Variants in NBPF26 observed in about 807,000 individuals in gnomAD.
NBPF26 encodes the protein NBPF member 26, also known as NBPF family member NBPF26.
Under a neutral mutation model 119.6 loss-of-function variants are expected in NBPF26, and 79 were observed. The ratio of observed to expected loss-of-function variants is 0.66; its 90% CI spans 0.55 to 0.80. The LOEUF (loss-of-function observed/expected upper bound fraction) is 0.80, where lower values mean the gene tolerates loss of function less well. NBPF26 is among the 30% of genes least tolerant of loss of function. The probability of loss-of-function intolerance (pLI) is 0.00; values close to 1 mark genes in which losing one functional copy is unlikely to be tolerated. For synonymous variants in NBPF26, 299 were observed against 457.7 expected, an observed-to-expected ratio of 0.65 and a Z score of 4.43; for missense variants, 800 against 1,198.2, an observed-to-expected ratio of 0.67 and a Z score of 4.91.
chr1:120,804,628 G>A (rs1204612328), intron 4 of NBPF26, among the ~76,000 whole-genome samples: 3 of 119,078 alleles, frequency 2.5e-5, no homozygotes, highest in Admixed American at 1.6e-4. Flanking sequence ...AGGTCTTGTG[G>A]CACTAGAATG....
chr1:120,811,116 T>C (rs1651852725), intron 9 of NBPF26, among the ~76,000 whole-genome samples: 1 of 102,950 alleles, frequency 9.7e-6, no homozygotes. Context: ...GGTGTGGTGG[T>C]GGGTGCCTGT....
At position 120,802,462 on chromosome 1, in the gene NBPF26, G is replaced by A. The variant is rs1651593438; in HGVS notation, c.752-3094G>A. On this transcript the variant is annotated intron_variant, in intron 4 of 29. Coordinates refer to ENST00000620612, the Ensembl canonical transcript of NBPF26. ...GAAGTAAAGGAGATCTGGCTTGCTG[G>A]ACTCCATTTGAACTTTGAGTACAAC... Among the ~76,000 whole-genome samples the A allele has an allele frequency of 7.1e-5, 9 of 126,434 alleles. 2 individuals are homozygous for A. In the South Asian group the frequency reaches 2.1e-3, roughly 30 times the overall value. The allele number at this position is 126,434 out of a possible 152,430, so 82.9% of individuals were successfully genotyped here. A position where few individuals can be genotyped will look rare whatever the true frequency, so the allele number is the denominator to read the frequency against.
intron 4 of NBPF26, 160 bp downstream of exon 4, chr1:120,793,656 C>T (rs1651521100): frequency 1.6e-6 from 1 of 612,318 alleles, no homozygotes; most frequent in African/African-American, 3.9e-5. Flanking sequence ...TATGGGCCCA[C>T]TGTGGTCCAT....
rs1652200018 is a variant in NBPF26 at position 120,824,044 on chromosome 1, A to G, written c.2710A>G (p.Thr904Ala). ...GGACTCACTGGATAGATGTTATTCA[A>G]CTCCTTCAGGTTGTCTTGAACTGAC... The change falls in exon 18 of 30, where the codon ACT becomes GCT. Residue 904 changes from threonine (T) to alanine (A), a missense_variant. By Grantham distance (58) the Thr-to-Ala change is moderately conservative (BLOSUM62 0). Around this residue, in one of 13 missense-constraint regions of NBPF26, gnomAD observed 73 missense variants for 50.7 expected, o/e 1.44. Transcript: ENST00000620612. 12 of 528,138 alleles carry G rather than the reference A, an allele frequency of 2.3e-5. 2 individuals are homozygous for G. The highest frequency in any genetic ancestry group is 6.4e-5 in the African/African-American group (1 of 15,570). 32.7% of individuals were successfully genotyped at this position (528,138 alleles called of 1,614,324 possible). A position where few individuals can be genotyped will look rare whatever the true frequency, so the allele number is the denominator to read the frequency against.
Position 120,811,521 on chromosome 1 carries a change from C to T in NBPF26, c.1565-365C>T, listed in dbSNP as rs1376489155. On this transcript the variant is annotated intron_variant, in intron 9 of 29. Transcript: ENST00000620612. ...GATTGTGCCTCTGCACTGCAGCCTG[C>T]GCGACAGAGTGAGACTCCGTCTCAA... Among the ~76,000 whole-genome samples, 9 of 112,496 alleles carry T rather than the reference C, an allele frequency of 8.0e-5. 1 individual carries two copies. Among genetic ancestry groups the T allele is most frequent in the South Asian group, 5.0e-4 (2 of 4,020 alleles). 73.8% of individuals were successfully genotyped at this position (112,496 alleles called of 152,430 possible). A position where few individuals can be genotyped will look rare whatever the true frequency, so the allele number is the denominator to read the frequency against.
intron 4 of NBPF26, among the ~76,000 whole-genome samples, chr1:120,801,826 CAAAAAAAAAA>C (rs1168359637): frequency 7.3e-3 from 66 of 9,020 alleles, no homozygotes; most frequent in African/African-American, 0.037. Flanking sequence ...GACCCTGTCT[CAAAAAAAAAA>C]AAAAAAAAAA....
At position 120,805,200 on chromosome 1, in the gene NBPF26, T is replaced by C. The variant is rs1476636732; in HGVS notation, c.752-356T>C. Among the ~76,000 whole-genome samples the C allele has an allele frequency of 5.5e-5, 7 of 126,274 alleles. 2 individuals carry two copies. The highest frequency in any genetic ancestry group is 8.1e-5 in the Non-Finnish European group (5 of 61,540). 82.8% of individuals were successfully genotyped at this position (126,274 alleles called of 152,430 possible). ...ATTGGTGGTGACCCTCAGGTGAGAC[T>C]AGGGTGCCTGTGTTTCAGCAAAGCC... On this transcript the variant is annotated intron_variant, in intron 4 of 29. Transcript: ENST00000620612.
rs1288705783 is a variant in NBPF26, at chr1:120,767,618, A to G, written c.155+3909A>G. On this transcript the variant is annotated intron_variant, in intron 2 of 29. Coordinates refer to ENST00000620612, the Ensembl canonical transcript of NBPF26. ...TTATTGCTGTTAAATAACTACTGTC[A>G]AATCTTAATAAAGCCCTCTCACTAC... Among the ~76,000 whole-genome samples the G allele has an allele frequency of 6.6e-4, 57 of 86,446 alleles. 7 individuals carry two copies. Among genetic ancestry groups the G allele is most frequent in the Non-Finnish European group, 1.2e-4 (6 of 48,948 alleles). 56.7% of individuals were successfully genotyped at this position (86,446 alleles called of 152,430 possible).
rs1363451690 is a variant in NBPF26 at position 120,789,429 on chromosome 1, A to C, written c.416-3732A>C. ...AGTTCCATATGGCTGGGGAGGCCTC[A>C]GAATTATGGTGGGAGGCAAAAGGCA... On this transcript the variant is annotated intron_variant, in intron 3 of 29. Coordinates refer to ENST00000620612, the Ensembl canonical transcript of NBPF26. Among the ~76,000 whole-genome samples the C allele has an allele frequency of 9.1e-3, 977 of 107,318 alleles. 191 individuals are homozygous for C. The highest frequency in any genetic ancestry group is 0.027 in the Admixed American group (299 of 10,904). The allele number at this position is 107,318 out of a possible 152,430, so 70.4% of individuals were successfully genotyped here.
At chr1:120,769,952 C>CA (rs1247872267) in intron 2 of NBPF26, among the ~76,000 whole-genome samples, 3 of 107,912 alleles carry the variant, frequency 2.8e-5, no homozygotes, top group Middle Eastern at 4.1e-3. Flanking sequence ...AAGAGAGTGC[C>CA]AAAAAACTCA....
At chr1:120,810,215 T>G in intron 8 of NBPF26, 132 bp from the exon 9 acceptor site, 1 of 1,100,130 alleles carries the variant, frequency 9.1e-7, no homozygotes, top group South Asian at 1.3e-5. Flanking sequence ...CTGTTTCCTC[T>G]TTAAGGGAAC....
intron 12 of NBPF26, among the ~76,000 whole-genome samples, chr1:120,815,347 AG>A (rs1651984843): frequency 8.6e-6 from 1 of 116,496 alleles, no homozygotes; most frequent in Non-Finnish European, 1.6e-5. Flanking sequence ...TAGAGTGAAA[AG>A]AGCTCTGGAC....
exon 9 of NBPF26, chr1:120,810,507 G>C (rs1651835482): frequency 6.4e-7 from 1 of 1,550,610 alleles, no homozygotes; most frequent in Admixed American, 1.8e-5. Flanking sequence ...TCTGGTTGTA[G>C]ACAGAGAATC....
At chr1:120,812,386 T>C (rs1409125523) in intron 10 of NBPF26, among the ~76,000 whole-genome samples, 2 of 70,268 alleles carry the variant, frequency 2.8e-5, no homozygotes, top group Middle Eastern at 4.7e-3. Flanking sequence ...CAATCGTGTT[T>C]TCAAGAATCC....
intron 18 of NBPF26, among the ~76,000 whole-genome samples, chr1:120,825,212 G>A (rs1480811128): frequency 1.1e-4 from 13 of 122,672 alleles, no homozygotes; most frequent in South Asian, 2.3e-4. Context: ...ATCACTGTTC[G>A]CTGTGTGTCC....
At chr1:120,840,855 G>C (rs1320622451), downstream of NBPF26, 4 of 504,512 alleles carry the variant, frequency 7.9e-6, 1 homozygote, top group East Asian at 3.1e-5. Context: ...TTTGAACCAC[G>C]TATCTCTGGG....
intron 10 of NBPF26, among the ~76,000 whole-genome samples, chr1:120,812,925 A>AATG: frequency 8.7e-5 from 1 of 11,530 alleles, no homozygotes; most frequent in African/African-American, 8.1e-4. Context: ...TGCTAAAAAT[A>AATG]ATAATAATAA....
intron 1 of NBPF26, among the ~76,000 whole-genome samples, chr1:120,753,861 GTGTACTTAAAAGCA>G (rs1651050039): frequency 2.0e-5 from 1 of 49,432 alleles, no homozygotes; most frequent in South Asian, 5.8e-4. Flanking sequence ...TTTCCAGCAA[GTGTACTTAAAAGCA>G]TGTACTTAAA....
intron 19 of NBPF26, among the ~76,000 whole-genome samples, chr1:120,830,079 A>T (rs1350231153): frequency 9.0e-5 from 11 of 122,188 alleles, no homozygotes; most frequent in African/African-American, 5.0e-4. Flanking sequence ...ATGGAAAATT[A>T]TTGAGTCCAC....
Sources: gnomAD v4.1 joint callset for allele counts (sites outside exome capture counted in the v4.1 genomes callset) on GRCh38, gnomAD v4.1.1 for gene constraint, gnomAD v4.1.1 regional missense constraint, MANE v1.5 for transcripts, NCBI Gene and HGNC (gene_info 2026-07-23, HGNC 2026-07-21) for gene names.